The following EMP2 variants were observed in gnomAD, a reference collection of about 807,000 sequenced individuals.
The protein encoded by EMP2 is epithelial membrane protein 2.
Under a neutral mutation model 13.7 loss-of-function variants are expected in EMP2, and 19 were observed. The ratio of observed to expected loss-of-function variants is 1.38; its 90% confidence interval spans 0.97 to 2.03. EMP2 has a LOEUF of 2.03. EMP2 is among the 30% of genes most tolerant of loss of function. The pLI, the probability that EMP2 is intolerant of heterozygous loss-of-function variation, is 0.00. For synonymous variants in EMP2, 97 were observed against 84.7 expected (o/e 1.15, Z -0.80); for missense variants, 253 against 220.7 (o/e 1.15, Z -0.93).
chr16:10,574,682 G>T (rs1414065978), intron 1 of EMP2, among the ~76,000 whole-genome samples: 6 of 152,060 alleles, frequency 3.9e-5, no homozygotes, highest in African/African-American at 1.4e-4. Context: ...CTCCCAAGTA[G>T]CTGGGACTAC....
In EMP2 at chr16:10,536,902, G is replaced by A. The variant is rs1384702468; in HGVS notation, c.316+1026C>T. Among the ~76,000 whole-genome samples, 7 of 152,226 alleles carry A rather than the reference G, an allele frequency of 4.6e-5. No individual in the cohort carries two copies. The Middle Eastern group carries it at 0.01, about 222-fold the overall frequency. ...TCCCAAAGTGCTCCTGCACCTGACC[G>A]GGACTTTCAGTTTTAAACCAGAGGA... On this transcript the variant is annotated intron_variant, in intron 4 of 4. Coordinates refer to ENST00000359543, the MANE Select transcript of EMP2 (RefSeq NM_001424.6).
chr16:10,556,355 C>T (rs961025722), intron 1 of EMP2, among the ~76,000 whole-genome samples: 16 of 152,162 alleles, frequency 1.1e-4, no homozygotes, highest in Non-Finnish European at 2.2e-4. Flanking sequence ...TGGTTACAAG[C>T]CTGCGGTTGG....
At chr16:10,542,307 A>G (rs1381915911) in intron 3 of EMP2, among the ~76,000 whole-genome samples, 1 of 152,102 alleles carries the variant, frequency 6.6e-6, no homozygotes, top group East Asian at 1.9e-4. Flanking sequence ...CTGAGATGGG[A>G]GGATCACTTG....
rs146396420 is a variant in EMP2 at position 10,555,836 on chromosome 16, C to T, written c.-60-8159G>A. ...TCCCAATCTCGGGTGATCTGCCTGC[C>T]TCGGCCTCCCAAAGTGCTGGGATTA... On this transcript the variant is annotated intron_variant, in intron 1 of 4. Transcript: ENST00000359543. Among the ~76,000 whole-genome samples, 92 of 152,332 alleles carry T rather than the reference C, an allele frequency of 6.0e-4. 2 individuals are homozygous for T. Among genetic ancestry groups the T allele is most frequent in the East Asian group, 5.2e-3 (27 of 5,190 alleles).
chr16:10,530,120 G>A lies in EMP2; in HGVS notation c.*2785C>T, dbSNP rs906536699. 6.6e-6 allele frequency: 1 copy of A among 152,052 alleles called. No homozygotes were observed. Among genetic ancestry groups the A allele is most frequent in the East Asian group, 1.9e-4 (1 of 5,176 alleles). The allele number at this position is 152,052 out of a possible 1,614,324, so 9.4% of individuals were successfully genotyped here. A position where few individuals can be genotyped will look rare whatever the true frequency, so the allele number is the denominator to read the frequency against. ...AGAGTATCTCATGGAGGCAGGAGGT[G>A]ACATTTGTCCTGTCTCTGGCCCCAG... On this transcript the variant is annotated 3_prime_UTR_variant, in exon 5 of 5. Coordinates refer to ENST00000359543, the MANE Select transcript of EMP2 (RefSeq NM_001424.6).
At chr16:10,535,347 A>G (rs1390440961) in intron 4 of EMP2, among the ~76,000 whole-genome samples, 1 of 152,160 alleles carries the variant, frequency 6.6e-6, no homozygotes, top group African/African-American at 2.4e-5. Flanking sequence ...GTGAAAATTT[A>G]TATATATAAA....
intron 1 of EMP2, among the ~76,000 whole-genome samples, chr16:10,569,733 G>T (rs958875378): frequency 6.6e-6 from 1 of 152,142 alleles, no homozygotes. Flanking sequence ...CTTTAACATC[G>T]CCTGTATGCT....
rs1247821618 is a variant in EMP2 at position 10,532,808 on chromosome 16, G to A, written c.*97C>T. The A allele has an allele frequency of 5.7e-5, 14 of 246,694 alleles. No homozygotes were observed. Among genetic ancestry groups the A allele is most frequent in the South Asian group, 1.6e-4 (2 of 12,826 alleles). The allele number at this position is 246,694 out of a possible 1,614,324, so 15.3% of individuals were successfully genotyped here. A position where few individuals can be genotyped will look rare whatever the true frequency, so the allele number is the denominator to read the frequency against. On this transcript the variant is annotated 3_prime_UTR_variant, in exon 5 of 5. Coordinates refer to ENST00000359543, the MANE Select transcript of EMP2 (RefSeq NM_001424.6). ...TTTTGGCTTTTAAAGGAAACAATAC[G>A]TTTGCTAGAAAAACCTCAAAAAATA...
At chr16:10,539,491 C>T (rs1239195357) in intron 3 of EMP2, among the ~76,000 whole-genome samples, 1 of 152,086 alleles carries the variant, frequency 6.6e-6, no homozygotes, top group South Asian at 2.1e-4. Flanking sequence ...GGCCCAGGAA[C>T]AGGTGGAAGT....
At position 10,531,196 on chromosome 16, in the gene EMP2, ACTC is replaced by A. The variant is rs1264167493; in HGVS notation, c.*1706_*1708del. The A allele has an allele frequency of 7.3e-5, 11 of 150,354 alleles. No individual in the cohort carries two copies. The highest frequency in any genetic ancestry group is 2.5e-4 in the African/African-American group (10 of 40,718). The allele number at this position is 150,354 out of a possible 1,614,324, so 9.3% of individuals were successfully genotyped here. On this transcript the variant is annotated 3_prime_UTR_variant, in exon 5 of 5. Coordinates refer to ENST00000359543, the MANE Select transcript of EMP2 (RefSeq NM_001424.6). ...ACCATGTTGGCCAGGCTGGTCTTGAACTCCTGACCTTGTGATCCACCTGCCTCA... is the reference window on the plus strand; with the variant it reads ...ACCATGTTGGCCAGGCTGGTCTTGAACTGACCTTGTGATCCACCTGCCTCA...
rs2050616695 is a variant in EMP2, at chr16:10,532,780, T to C, written c.*125A>G. ...TTTCTTTTTTTTTTTTTTTTTTTTTTTTTTTTGGCTTTTAAAGGAAACAAT... is the reference window on the plus strand; with the variant it reads ...TTTCTTTTTTTTTTTTTTTTTTTTTCTTTTTTGGCTTTTAAAGGAAACAAT... On this transcript the variant is annotated 3_prime_UTR_variant, in exon 5 of 5. Coordinates refer to ENST00000359543, the MANE Select transcript of EMP2 (RefSeq NM_001424.6). The C allele has an allele frequency of 7.8e-6, 3 of 386,518 alleles. 1 individual carries two copies. The highest frequency in any genetic ancestry group is 2.2e-4 in the South Asian group (2 of 9,224). 23.9% of individuals were successfully genotyped at this position (386,518 alleles called of 1,614,324 possible).
At chr16:10,565,300 A>T (rs771930166) in intron 1 of EMP2, among the ~76,000 whole-genome samples, 11 of 152,314 alleles carry the variant, frequency 7.2e-5, no homozygotes, top group Middle Eastern at 3.4e-3. Flanking sequence ...TTGGGATGAG[A>T]TTCACATTTG....
chr16:10,575,711 T>G (rs979374541), intron 1 of EMP2, among the ~76,000 whole-genome samples: 2 of 152,146 alleles, frequency 1.3e-5, no homozygotes, highest in Non-Finnish European at 2.9e-5. Context: ...AGCCTTCCTT[T>G]GGTTCAAGCA....
chr16:10,539,960 C>A lies in EMP2; in HGVS notation c.170-1886G>T, dbSNP rs551092653. Among the ~76,000 whole-genome samples, 8 of 152,190 alleles carry A rather than the reference C, an allele frequency of 5.3e-5. 1 individual carries two copies. In the South Asian group the frequency reaches 1.5e-3, roughly 28 times the overall value. The stretch of plus-strand genomic sequence containing the variant: ...GCCTCTCCCCCTGGAGATTCTGCTA[C>A]CATTGTCCTGGAGTGGGCACCAGGA... On this transcript the variant is annotated intron_variant, in intron 3 of 4. Coordinates refer to ENST00000359543, the MANE Select transcript of EMP2 (RefSeq NM_001424.6).
intron 1 of EMP2, among the ~76,000 whole-genome samples, chr16:10,559,895 G>A (rs1345603765): frequency 6.6e-6 from 1 of 152,078 alleles, no homozygotes; most frequent in Admixed American, 6.5e-5. Context: ...GGCTGGTCTT[G>A]AACTCCTGAC....
intron 1 of EMP2, among the ~76,000 whole-genome samples, chr16:10,568,689 C>T (rs1045754177): frequency 1.2e-4 from 18 of 151,068 alleles, no homozygotes; most frequent in African/African-American, 2.9e-4. Flanking sequence ...AGAGGACGGT[C>T]GGATTAAAGC....
At chr16:10,557,176 G>T (rs1292334202) in intron 1 of EMP2, among the ~76,000 whole-genome samples, 1 of 152,044 alleles carries the variant, frequency 6.6e-6, no homozygotes, top group South Asian at 2.1e-4. Flanking sequence ...GGCCAACATG[G>T]CAAAACGCTG....
intron 1 of EMP2, among the ~76,000 whole-genome samples, chr16:10,556,703 T>G (rs1011441050): frequency 9.2e-5 from 14 of 152,344 alleles, no homozygotes; most frequent in African/African-American, 3.1e-4. Context: ...CATGTCAATC[T>G]TATGATGCTG....
At chr16:10,569,983 G>T (rs2050936040) in intron 1 of EMP2, among the ~76,000 whole-genome samples, 1 of 152,108 alleles carries the variant, frequency 6.6e-6, no homozygotes. Flanking sequence ...CCCTGCCCTT[G>T]CAGCCTCCCC....
Sources: gnomAD v4.1 joint callset for allele counts (sites outside exome capture counted in the v4.1 genomes callset) on GRCh38, gnomAD v4.1.1 for gene constraint, MANE v1.5 for transcripts, NCBI Gene and HGNC (gene_info 2026-07-23, HGNC 2026-07-21) for gene names.